CLASP1: variants seen among roughly 807,000 people sequenced by gnomAD.
CLASP1 encodes the protein cytoplasmic linker associated protein 1.
CLASP1 carries 38 observed loss-of-function variants against 192.3 expected under a neutral mutation model. The observed-to-expected ratio is 0.20, with a 90% CI of 0.15 to 0.26. The LOEUF (loss-of-function observed/expected upper bound fraction) is 0.26, where lower values mean the gene tolerates loss of function less well. Among genes scored for constraint, CLASP1 ranks in the 10% least tolerant of loss-of-function variants. The pLI, the probability that CLASP1 is intolerant of heterozygous loss-of-function variation, is 1.00. For missense variants in CLASP1, 1,433 were observed against 1,932.5 expected, an observed-to-expected ratio of 0.74 and a Z score of 4.85; for synonymous variants, 691 against 712.8, an observed-to-expected ratio of 0.97 and a Z score of 0.49.
At chr2:121,417,454 G>GAAAA (rs386391068) in intron 23 of CLASP1, among the ~76,000 whole-genome samples, 50 of 141,464 alleles carry the variant, frequency 3.5e-4, no homozygotes, top group African/African-American at 1.3e-3. Flanking sequence ...AGTTCATTCA[G>GAAAA]AAAAAAAAAA....
At chr2:121,365,884 G>T (rs1353917577) in intron 35 of CLASP1, among the ~76,000 whole-genome samples, 1 of 152,172 alleles carries the variant, frequency 6.6e-6, no homozygotes, top group Admixed American at 6.5e-5. Context: ...ACTCAACATA[G>T]TTACCTGCAG....
At chr2:121,578,992 A>G (rs537690243) in intron 2 of CLASP1, among the ~76,000 whole-genome samples, 18 of 152,278 alleles carry the variant, frequency 1.2e-4, no homozygotes, top group African/African-American at 4.1e-4. Context: ...CCTAATATAC[A>G]TTTGTTTCAT....
intron 30 of CLASP1, among the ~76,000 whole-genome samples, chr2:121,390,511 T>C (rs998546806): frequency 2.0e-5 from 3 of 152,206 alleles, no homozygotes; most frequent in African/African-American, 7.2e-5. Flanking sequence ...GTGGGGTTTG[T>C]AAAAGGTTCT....
chr2:121,459,117 C>G (rs2087306422), intron 12 of CLASP1, 142 bp from the exon 13 acceptor site: 1 of 547,134 alleles, frequency 1.8e-6, no homozygotes, highest in African/African-American at 1.9e-5. Context: ...ATGTTAAGAA[C>G]TTGGCAAATA....
rs1279132802 is a variant in CLASP1 at position 121,536,164 on chromosome 2, G to A, written c.196-5839C>T. ...TGGGAGGCCGAGGTGGGCAGATCAC[G>A]AAGTCAGGAGATCGAGACCATCCTG... On this transcript the variant is annotated intron_variant, in intron 2 of 39. Coordinates refer to ENST00000263710, the Ensembl canonical transcript of CLASP1. Among the ~76,000 whole-genome samples, 12 of 150,946 alleles carry A rather than the reference G, an allele frequency of 7.9e-5. No homozygotes were observed. The South Asian group carries it at 8.4e-4, about 11-fold the overall frequency.
chr2:121,560,236 T>C (rs1319887605), intron 2 of CLASP1, among the ~76,000 whole-genome samples: 2 of 152,188 alleles, frequency 1.3e-5, no homozygotes, highest in African/African-American at 4.8e-5. Flanking sequence ...TAGACCTACA[T>C]GTATATTTAA....
At chr2:121,645,503 C>T (rs1353545297) in intron 1 of CLASP1, among the ~76,000 whole-genome samples, 4 of 152,210 alleles carry the variant, frequency 2.6e-5, no homozygotes, top group Non-Finnish European at 5.9e-5. Flanking sequence ...CATTAGGATA[C>T]ATTTGTTTAT....
Position 121,384,035 on chromosome 2 carries a change from T to C in CLASP1, c.3375-1711A>G, listed in dbSNP as rs535025298. Among the ~76,000 whole-genome samples, 119 of 135,942 alleles carry C rather than the reference T, an allele frequency of 8.8e-4. 2 individuals are homozygous for C. Among genetic ancestry groups the C allele is most frequent in the African/African-American group, 3.0e-3 (113 of 38,102 alleles). The allele number at this position is 135,942 out of a possible 152,430, so 89.2% of individuals were successfully genotyped here. ...ACACACACACACACACACACACATA[T>C]ATATGTATATATACACACATATATG... On this transcript the variant is annotated intron_variant, in intron 32 of 39. Transcript: ENST00000263710.
At chr2:121,433,390 T>G (rs1231059815) in intron 19 of CLASP1, among the ~76,000 whole-genome samples, 2 of 152,010 alleles carry the variant, frequency 1.3e-5, no homozygotes, top group Non-Finnish European at 2.9e-5. Context: ...CATAAATGTT[T>G]GAATTTTTTG....
intron 2 of CLASP1, among the ~76,000 whole-genome samples, chr2:121,533,040 G>T (rs2094939007): frequency 6.6e-6 from 1 of 152,138 alleles, no homozygotes; most frequent in African/African-American, 2.4e-5. Flanking sequence ...AGGTAAAGAG[G>T]ACTATTGTTT....
chr2:121,582,791 T>G (rs2061346383), intron 2 of CLASP1, among the ~76,000 whole-genome samples: 1 of 151,856 alleles, frequency 6.6e-6, no homozygotes, highest in Non-Finnish European at 1.5e-5. Context: ...CTTCCTTTTT[T>G]TTTTTTTAAC....
intron 37 of CLASP1, 113 bp from the exon 39 acceptor site, chr2:121,348,831 C>T (rs1454153286): frequency 4.1e-6 from 4 of 975,768 alleles, no homozygotes; most frequent in South Asian, 3.4e-5. Context: ...TGTCAGACGG[C>T]AGCCATTGCT....
chr2:121,580,755 A>ATG (rs1474095431), intron 2 of CLASP1, among the ~76,000 whole-genome samples: 1 of 152,266 alleles, frequency 6.6e-6, no homozygotes, highest in African/African-American at 2.4e-5. Context: ...TTTTTAAATC[A>ATG]ATCATGCACA....
At chr2:121,623,098 A>G (rs2067665956) in intron 1 of CLASP1, among the ~76,000 whole-genome samples, 1 of 152,082 alleles carries the variant, frequency 6.6e-6, no homozygotes, top group Non-Finnish European at 1.5e-5. Context: ...TAAAAAATTA[A>G]AGACTATATG....
chr2:121,476,927 G>C (rs2091695729), intron 8 of CLASP1, among the ~76,000 whole-genome samples: 1 of 152,164 alleles, frequency 6.6e-6, no homozygotes, highest in African/African-American at 2.4e-5. Flanking sequence ...CTTTCTTCTT[G>C]AATTTGCAGA....
chr2:121,607,688 T>C (rs2064627856), intron 1 of CLASP1, among the ~76,000 whole-genome samples: 1 of 152,168 alleles, frequency 6.6e-6, no homozygotes, highest in African/African-American at 2.4e-5. Flanking sequence ...AATTGAAGCT[T>C]TTTTCACACC....
At chr2:121,626,413 A>G (rs553085698) in intron 1 of CLASP1, among the ~76,000 whole-genome samples, 24 of 152,348 alleles carry the variant, frequency 1.6e-4, no homozygotes, top group African/African-American at 5.5e-4. Context: ...TTGAAGCAGT[A>G]CCTTCCAATG....
intron 35 of CLASP1, among the ~76,000 whole-genome samples, chr2:121,366,218 T>C (rs1473346633): frequency 6.6e-6 from 1 of 152,192 alleles, no homozygotes; most frequent in African/African-American, 2.4e-5. Flanking sequence ...AATCAAGATC[T>C]ATAAAGGATA....
At chr2:121,420,513 G>T (rs2079299881) in intron 22 of CLASP1, among the ~76,000 whole-genome samples, 1 of 152,112 alleles carries the variant, frequency 6.6e-6, no homozygotes, top group South Asian at 2.1e-4. Context: ...CCAGCCACTT[G>T]GCCTCTTTGG....
Sources: gnomAD v4.1 joint callset for allele counts (sites outside exome capture counted in the v4.1 genomes callset) on GRCh38, gnomAD v4.1.1 for gene constraint, MANE v1.5 for transcripts, NCBI Gene and HGNC (gene_info 2026-07-23, HGNC 2026-07-21) for gene names.